Variants in RXFP2 observed in about 807,000 individuals in gnomAD.
The protein encoded by RXFP2 is relaxin family peptide receptor 2.
RXFP2 carries 68 observed loss-of-function variants against 88.6 expected under a neutral mutation model. The ratio of observed to expected loss-of-function variants is 0.77; its 90% confidence interval spans 0.63 to 0.94. The LOEUF is 0.94. Among genes scored for constraint, RXFP2 ranks in the 40% least tolerant of loss-of-function variants. The probability of loss-of-function intolerance (pLI) is 0.00; values close to 1 mark genes in which losing one functional copy is unlikely to be tolerated. For missense variants in RXFP2, 791 were observed against 893.9 expected, an observed-to-expected ratio of 0.88 and a Z score of 1.47; for synonymous variants, 329 against 306.8, an observed-to-expected ratio of 1.07 and a Z score of -0.76.
At position 31,802,291 on chromosome 13, in the gene RXFP2, T is replaced by TA. The variant is rs761227490; in HGVS notation, c.2161dup (p.Ser721LysfsTer96). 601 of 1,541,898 alleles carry TA rather than the reference T, an allele frequency of 3.9e-4. No individual in the cohort carries two copies. Among genetic ancestry groups the TA allele is most frequent in the Non-Finnish European group, 4.5e-4 (506 of 1,125,624 alleles). On this transcript the variant is annotated frameshift_variant, in exon 18 of 18. Transcript: ENST00000298386. LOFTEE classifies it high-confidence loss of function. ...ATCAGAGGAAATCAATTTTCAAAATTAAAAAAAAAAGTTTATCTACATCCA... is the reference window on the plus strand; with the variant it reads ...ATCAGAGGAAATCAATTTTCAAAATTAAAAAAAAAAAGTTTATCTACATCCA...
At chr13:31,772,251 G>T (rs1872761243) in intron 5 of RXFP2, among the ~76,000 whole-genome samples, 1 of 152,092 alleles carries the variant, frequency 6.6e-6, no homozygotes, top group Non-Finnish European at 1.5e-5. Flanking sequence ...TTCTTAATCT[G>T]GGTTCTTGTT....
At chr13:31,745,801 C>T (rs1365116499) in intron 1 of RXFP2, among the ~76,000 whole-genome samples, 1 of 152,130 alleles carries the variant, frequency 6.6e-6, no homozygotes, top group African/African-American at 2.4e-5. Context: ...TGACCTTGAT[C>T]CAGAAGTTCA....
In RXFP2 at chr13:31,778,602, ATTAAT is replaced by A; in HGVS notation, c.785+22_785+26del. ...ACTGGGTGTGAGTATTTATTTAGGAATTAATTTGTTATTTGCCCTGATTAAGGAAA... is the reference window on the plus strand; with the variant it reads ...ACTGGGTGTGAGTATTTATTTAGGAATTGTTATTTGCCCTGATTAAGGAAA... On this transcript the variant is annotated intron_variant, in intron 9 of 17. Coordinates refer to ENST00000298386, the MANE Select transcript of RXFP2 (RefSeq NM_130806.5). 5 of 1,556,476 alleles carry A rather than the reference ATTAAT, an allele frequency of 3.2e-6. No individual in the cohort carries two copies. The highest frequency in any genetic ancestry group is 4.4e-6 in the Non-Finnish European group (5 of 1,127,882).
At position 31,792,728 on chromosome 13, in the gene RXFP2, A is replaced by G. The variant is rs146674634; in HGVS notation, c.1426A>G (p.Ile476Val). The change falls in exon 16 of 18, where the codon ATA becomes GTA. Residue 476 changes from isoleucine to valine, a missense_variant. By Grantham distance (29) the Ile-to-Val change is conservative. Transcript: ENST00000298386. ...CTTGTTCTTTGTTGGCATTTTCGATATAAAATACCGAGGGCAGTATCAGAA... is the reference window on the plus strand; with the variant it reads ...CTTGTTCTTTGTTGGCATTTTCGATGTAAAATACCGAGGGCAGTATCAGAA... ...VYLFFVGIFD[I>V]KYRGQYQKYA... 8.5e-5 allele frequency: 138 copies of G among 1,614,052 alleles called. No homozygotes were observed. The African/African-American group carries it at 1.7e-3, about 20-fold the overall frequency.
At chr13:31,743,730 T>C (rs1416241116) in intron 1 of RXFP2, among the ~76,000 whole-genome samples, 2 of 151,952 alleles carry the variant, frequency 1.3e-5, no homozygotes, top group African/African-American at 4.8e-5. Context: ...CTTTTCTCCA[T>C]TTTCATGTCT....
intron 11 of RXFP2, among the ~76,000 whole-genome samples, chr13:31,785,826 A>G (rs1188429108): frequency 6.6e-6 from 1 of 152,048 alleles, no homozygotes; most frequent in Non-Finnish European, 1.5e-5. Context: ...TCTGGATTGG[A>G]CAGTCCTATT....
Position 31,760,065 on chromosome 13 carries a change from GTGT to G in RXFP2, c.242-1648_242-1646del, listed in dbSNP as rs540882218. On this transcript the variant is annotated intron_variant, in intron 2 of 17. Coordinates refer to ENST00000298386, the MANE Select transcript of RXFP2 (RefSeq NM_130806.5). ...CAAAGTAGAATGCCTTATCTTTTCA[GTGT>G]TGTTGTTGTTTGTTTGTTTGTTTGT... 2.9e-3 allele frequency among the ~76,000 whole-genome samples: 442 copies of G among 150,480 alleles called. 3 individuals are homozygous for G. The highest frequency in any genetic ancestry group is 9.4e-3 in the African/African-American group (386 of 40,950).
chr13:31,778,359 CAT>C (rs1328446192), intron 8 of RXFP2, among the ~76,000 whole-genome samples, 151 bp from the exon 9 acceptor site: 22 of 152,232 alleles, frequency 1.4e-4, no homozygotes, highest in Admixed American at 5.2e-4. Context: ...TTGCCATACA[CAT>C]GTTTTAAAGA....
At chr13:31,796,404 TA>T (rs1371791312) in intron 16 of RXFP2, among the ~76,000 whole-genome samples, 3 of 151,896 alleles carry the variant, frequency 2.0e-5, no homozygotes, top group Admixed American at 1.3e-4. Context: ...ATTCATTTAT[TA>T]AAATTATTTT....
intron 8 of RXFP2, 124 bp downstream of exon 8, chr13:31,777,571 C>T: frequency 1.4e-6 from 1 of 700,518 alleles, no homozygotes. Context: ...AAAACTTCTC[C>T]TGTGTTTCCA....
chr13:31,794,368 C>CCA (rs56077729), intron 16 of RXFP2, among the ~76,000 whole-genome samples: 2,789 of 145,842 alleles, frequency 0.019, 81 homozygotes, highest in African/African-American at 0.061. Context: ...GAAACACACA[C>CCA]CACACACACA....
intron 7 of RXFP2, among the ~76,000 whole-genome samples, chr13:31,777,022 A>C (rs970396035): frequency 2.0e-5 from 3 of 152,160 alleles, no homozygotes; most frequent in Non-Finnish European, 4.4e-5. Context: ...AGCTCAGCCA[A>C]TTAGTAGGTT....
At chr13:31,796,506 T>A (rs975070397) in intron 16 of RXFP2, among the ~76,000 whole-genome samples, 1 of 152,080 alleles carries the variant, frequency 6.6e-6, no homozygotes, top group Non-Finnish European at 1.5e-5. Context: ...ATTACAGTAA[T>A]CCCTTAAGGT....
intron 16 of RXFP2, among the ~76,000 whole-genome samples, chr13:31,793,803 T>C (rs1873903603): frequency 6.6e-6 from 1 of 152,202 alleles, no homozygotes; most frequent in African/African-American, 2.4e-5. Flanking sequence ...TTTCTTCCCA[T>C]CCAAGGAGCC....
chr13:31,771,353 C>G (rs1872728648), intron 5 of RXFP2, among the ~76,000 whole-genome samples: 1 of 152,172 alleles, frequency 6.6e-6, no homozygotes, highest in African/African-American at 2.4e-5. Flanking sequence ...CCTGTCGGAT[C>G]AGCAGTGGCA....
chr13:31,778,741 C>T (rs1287870383), intron 9 of RXFP2, among the ~76,000 whole-genome samples, 158 bp downstream of exon 9: 1 of 152,104 alleles, frequency 6.6e-6, no homozygotes, highest in African/African-American at 2.4e-5. Context: ...TTTGAGGGTT[C>T]CCAAAGGGTG....
rs528319266 is a variant in RXFP2, at chr13:31,758,262, T to C, written c.99T>C (p.Phe33=). The change falls in exon 2 of 18, where the codon TTT becomes TTC. Residue 33 remains phenylalanine (F), a synonymous_variant. Coordinates refer to ENST00000298386, the MANE Select transcript of RXFP2 (RefSeq NM_130806.5). ...HFIVLINVKD[F]ALTQGSMITP... The stretch of plus-strand genomic sequence containing the variant: ...TTTGCCCCTTCTTTCATGTAGATTT[T>C]GCACTGACTCAAGGTAGCATGATCA... 59 of 1,614,116 alleles carry C rather than the reference T, an allele frequency of 3.7e-5. No homozygotes were observed. The South Asian group carries it at 6.1e-4, about 17-fold the overall frequency.
rs184626329 is a variant in RXFP2, at chr13:31,747,871, T to C, written c.94+8165T>C. ...AGTCTCAGTAAAGTTTTTGCAAAAA[T>C]GACTTCTGAGATGATCATCAAAGAA... is the stretch of plus-strand genomic sequence containing the variant. On this transcript the variant is annotated intron_variant, in intron 1 of 17. Transcript: ENST00000298386. Among the ~76,000 whole-genome samples the C allele has an allele frequency of 2.6e-5, 4 of 152,286 alleles. No homozygotes were observed. In the East Asian group the frequency reaches 7.7e-4, roughly 29 times the overall value.
At chr13:31,789,440 T>C (rs1873698584) in intron 14 of RXFP2, among the ~76,000 whole-genome samples, 2 of 152,158 alleles carry the variant, frequency 1.3e-5, no homozygotes, top group Admixed American at 6.5e-5. Flanking sequence ...GAGATCAGGG[T>C]ACCAGAATGC....
Sources: gnomAD v4.1 joint callset for allele counts (sites outside exome capture counted in the v4.1 genomes callset) on GRCh38, gnomAD v4.1.1 for gene constraint, MANE v1.5 for transcripts, NCBI Gene and HGNC (gene_info 2026-07-23, HGNC 2026-07-21) for gene names.